Variants in EVA1A observed in about 807,000 individuals in gnomAD.
EVA1A encodes the protein eva-1 homolog A, regulator of programmed cell death.
A neutral mutation model predicts 9.8 loss-of-function variants in EVA1A; 7 were observed. The observed-to-expected ratio is 0.71, with a 90% CI of 0.41 to 1.34. The LOEUF (loss-of-function observed/expected upper bound fraction) is 1.34, where lower values mean the gene tolerates loss of function less well. Among genes scored for constraint, EVA1A ranks in the 40% most tolerant of loss-of-function variants. The probability of loss-of-function intolerance (pLI) is 0.01; values close to 1 mark genes in which losing one functional copy is unlikely to be tolerated. For missense variants in EVA1A, 206 were observed against 205.9 expected (o/e 1.00, Z 0.00); for synonymous variants, 90 against 85.6 (o/e 1.05, Z -0.28).
chr2:75,545,207 T>C (rs1386387244), intron 1 of EVA1A, among the ~76,000 whole-genome samples: 3 of 152,188 alleles, frequency 2.0e-5, no homozygotes, highest in African/African-American at 4.8e-5. Context: ...CAGGAAAAGA[T>C]GTAAGAAACA....
chr2:75,559,694 A>AGGGG (rs1395254941), intron 1 of EVA1A, among the ~76,000 whole-genome samples: 1 of 2,780 alleles, frequency 3.6e-4, no homozygotes, highest in African/African-American at 1.9e-3. Flanking sequence ...ATGAGAAAGG[A>AGGGG]GGTGGGGGGG....
At chr2:75,524,590 G>GC (rs1159628139) in intron 1 of EVA1A, among the ~76,000 whole-genome samples, 9 of 152,030 alleles carry the variant, frequency 5.9e-5, no homozygotes, top group Non-Finnish European at 1.3e-4. Flanking sequence ...ATCAATGGAG[G>GC]CCCCCAGTGC....
intron 1 of EVA1A, among the ~76,000 whole-genome samples, chr2:75,536,607 C>A (rs1304256220): frequency 6.6e-6 from 1 of 151,884 alleles, no homozygotes; most frequent in Non-Finnish European, 1.5e-5. Context: ...ATATCAGAAA[C>A]AAAACAGTAG....
chr2:75,522,124 A>G (rs1324561322), intron 2 of EVA1A, among the ~76,000 whole-genome samples: 1 of 152,232 alleles, frequency 6.6e-6, no homozygotes, highest in Non-Finnish European at 1.5e-5. Flanking sequence ...GATCGTATGA[A>G]TAGATGAAAA....
At position 75,555,039 on chromosome 2, in the gene EVA1A, G is replaced by T. The variant is rs952557007; in HGVS notation, c.-192+5641C>A. On this transcript the variant is annotated intron_variant, in intron 1 of 3. Transcript: ENST00000393913. ...CTTACTAAGTGCCTCCTATGTGCCAGGGGGTCACTAAGTGGTGAATAAATG... is the reference window on the plus strand; with the variant it reads ...CTTACTAAGTGCCTCCTATGTGCCATGGGGTCACTAAGTGGTGAATAAATG... Among the ~76,000 whole-genome samples the T allele has an allele frequency of 2.6e-5, 4 of 152,316 alleles. No individual in the cohort carries two copies. In the South Asian group the frequency reaches 6.2e-4, roughly 24 times the overall value.
chr2:75,541,133 G>T (rs1170129380), intron 1 of EVA1A, among the ~76,000 whole-genome samples: 2 of 152,216 alleles, frequency 1.3e-5, no homozygotes, highest in Non-Finnish European at 2.9e-5. Context: ...CACAGGCATG[G>T]GGATGGACTG....
intron 1 of EVA1A, chr2:75,542,496 C>T (rs1362264399): frequency 6.6e-6 from 1 of 152,290 alleles, no homozygotes; most frequent in Non-Finnish European, 1.5e-5. Context: ...TCATTTCCCA[C>T]TTGGTTCTAC....
At chr2:75,538,901 A>G (rs1676012259) in intron 1 of EVA1A, among the ~76,000 whole-genome samples, 1 of 152,228 alleles carries the variant, frequency 6.6e-6, no homozygotes, top group African/African-American at 2.4e-5. Flanking sequence ...AATCCTTGTG[A>G]TGATGCAAAT....
intron 1 of EVA1A, among the ~76,000 whole-genome samples, chr2:75,556,708 T>C (rs1676722692): frequency 6.6e-6 from 1 of 152,028 alleles, no homozygotes; most frequent in Non-Finnish European, 1.5e-5. Context: ...AGAAGACAAT[T>C]TTTCCACGGA....
At chr2:75,514,845 C>T (rs752180153) in intron 3 of EVA1A, among the ~76,000 whole-genome samples, 40 of 152,170 alleles carry the variant, frequency 2.6e-4, no homozygotes, top group Non-Finnish European at 5.1e-4. Context: ...TTCTGGCTAG[C>T]GTATGTGTTT....
chr2:75,518,046 A>G lies in EVA1A; in HGVS notation c.85+10T>C. ...CCTCAGTCCTGGCCCAGTGGAAACC[A>G]GGCACCTACCTGAGACAAAGGAATA... On this transcript the variant is annotated intron_variant, in intron 3 of 3. Coordinates refer to ENST00000393913, the MANE Select transcript of EVA1A (RefSeq NM_001135032.2). The G allele has an allele frequency of 6.2e-7, 1 of 1,613,916 alleles. No individual in the cohort carries two copies. Among genetic ancestry groups the G allele is most frequent in the Non-Finnish European group, 8.5e-7 (1 of 1,179,916 alleles).
chr2:75,523,925 T>TC (rs1372803349), intron 1 of EVA1A: 1 of 152,148 alleles, frequency 6.6e-6, no homozygotes, highest in Non-Finnish European at 1.5e-5. Flanking sequence ...GTTCCTATAA[T>TC]CCCCAACTGT....
chr2:75,546,244 C>T (rs1676325057), intron 1 of EVA1A, among the ~76,000 whole-genome samples: 1 of 152,158 alleles, frequency 6.6e-6, no homozygotes, highest in African/African-American at 2.4e-5. Context: ...CTTGTGTGGC[C>T]TCCCATAAAC....
chr2:75,543,333 A>G (rs1302287464), intron 1 of EVA1A, among the ~76,000 whole-genome samples: 5 of 152,208 alleles, frequency 3.3e-5, no homozygotes, highest in African/African-American at 1.2e-4. Context: ...ACAAATATGT[A>G]GAACTCGCAG....
intron 3 of EVA1A, among the ~76,000 whole-genome samples, chr2:75,495,086 C>G (rs1397951671): frequency 6.6e-6 from 1 of 152,098 alleles, no homozygotes; most frequent in Non-Finnish European, 1.5e-5. Context: ...CCCTCACCCC[C>G]CTCCCACCAA....
At chr2:75,498,166 C>T (rs1366049671) in intron 3 of EVA1A, among the ~76,000 whole-genome samples, 1 of 152,080 alleles carries the variant, frequency 6.6e-6, no homozygotes, top group Non-Finnish European at 1.5e-5. Flanking sequence ...GGAATAAAAT[C>T]ATGTCTTTTG....
intron 1 of EVA1A, among the ~76,000 whole-genome samples, chr2:75,552,633 A>G (rs532120711): frequency 6.6e-6 from 1 of 152,202 alleles, no homozygotes; most frequent in Non-Finnish European, 1.5e-5. Flanking sequence ...TGACTTGCCA[A>G]TTACAAATAA....
At chr2:75,562,332 A>G (rs1363841586), upstream of EVA1A, among the ~76,000 whole-genome samples, 4 of 152,120 alleles carry the variant, frequency 2.6e-5, no homozygotes, top group African/African-American at 7.2e-5. Flanking sequence ...CTCCCACATC[A>G]GTTTTTTTTC....
chr2:75,497,850 CAAAAAAA>C (rs33933086), intron 3 of EVA1A, among the ~76,000 whole-genome samples: 2 of 66,854 alleles, frequency 3.0e-5, no homozygotes, highest in Admixed American at 1.9e-4. Context: ...GATCCTGTCT[CAAAAAAA>C]AAAAAAAAAA....
Sources: gnomAD v4.1 joint callset for allele counts (sites outside exome capture counted in the v4.1 genomes callset) on GRCh38, gnomAD v4.1.1 for gene constraint, MANE v1.5 for transcripts, NCBI Gene and HGNC (gene_info 2026-07-23, HGNC 2026-07-21) for gene names.